Variants in TUBGCP2 observed in about 807,000 individuals in gnomAD.
The protein encoded by TUBGCP2 is gamma-tubulin complex component 2.
In TUBGCP2, 55 loss-of-function variants were observed where a neutral mutation model predicts 92.2. That is an observed-to-expected ratio of 0.60 (90% CI 0.48 to 0.75). The LOEUF is 0.75. Ranked by LOEUF, TUBGCP2 falls within the 30% of genes least tolerant of loss-of-function variation. The pLI, the probability that TUBGCP2 is intolerant of heterozygous loss-of-function variation, is 0.00. For missense variants in TUBGCP2, 1,093 were observed against 1,188.9 expected (o/e 0.92, Z 1.19); for synonymous variants, 533 against 505.2 (o/e 1.06, Z -0.74).
intron 5 of TUBGCP2, 99 bp downstream of exon 5, chr10:133,297,853 G>C (rs909153926): frequency 1.2e-5 from 18 of 1,538,248 alleles, no homozygotes; most frequent in Admixed American, 5.7e-5. Context: ...GTCCTGCCCA[G>C]AGGCCAGAAA....
In TUBGCP2 at chr10:133,291,950, C is replaced by T. The variant is rs150536168; in HGVS notation, c.1214+549G>A. 1.6e-3 allele frequency among the ~76,000 whole-genome samples: 30 copies of T among 19,108 alleles called. 6 individuals are homozygous for T. Among genetic ancestry groups the T allele is most frequent in the South Asian group, 3.1e-3 (1 of 318 alleles). 12.5% of individuals were successfully genotyped at this position (19,108 alleles called of 152,430 possible). A position where few individuals can be genotyped will look rare whatever the true frequency, so the allele number is the denominator to read the frequency against. On this transcript the variant is annotated intron_variant, in intron 8 of 17. Coordinates refer to ENST00000252936, the MANE Select transcript of TUBGCP2 (RefSeq NM_006659.4). Reference sequence around the variant, plus strand: ...TCCCCCATGTCCCTCCGTGTCCCTCCGTGTCCCCGTGTCCCGGGGAGCCCT... The same window carrying T: ...TCCCCCATGTCCCTCCGTGTCCCTCTGTGTCCCCGTGTCCCGGGGAGCCCT...
chr10:133,312,186 A>G (rs994261423), upstream of TUBGCP2: 2 of 1,412,676 alleles, frequency 1.4e-6, no homozygotes, highest in African/African-American at 1.4e-5. Context: ...CTGCGTTTCT[A>G]GCGTCACCTG....
In TUBGCP2 at chr10:133,299,877, G is replaced by A. The variant is rs954471679; in HGVS notation, c.279+108C>T. The A allele has an allele frequency of 2.8e-6, 4 of 1,451,572 alleles. No homozygotes were observed. The African/African-American group carries it at 5.7e-5, about 21-fold the overall frequency. 89.9% of individuals were successfully genotyped at this position (1,451,572 alleles called of 1,614,324 possible). A position where few individuals can be genotyped will look rare whatever the true frequency, so the allele number is the denominator to read the frequency against. On this transcript the variant is annotated intron_variant, in intron 3 of 17. Coordinates refer to ENST00000252936, the MANE Select transcript of TUBGCP2 (RefSeq NM_006659.4). ...CATGGCCTAGAAGCGTTACTGGTGT[G>A]AGCGAGGAAGAGCTGACAGGAAGAT...
At chr10:133,286,161 C>G (rs947082316) in intron 11 of TUBGCP2, among the ~76,000 whole-genome samples, 6 of 152,020 alleles carry the variant, frequency 3.9e-5, no homozygotes, top group East Asian at 1.9e-4. Flanking sequence ...AAGCAGCGGA[C>G]AGACGAAATC....
intron 8 of TUBGCP2, chr10:133,290,533 T>TA (rs1340701474): frequency 6.7e-6 from 1 of 150,334 alleles, no homozygotes; most frequent in Admixed American, 6.6e-5. Context: ...CCAACAAACC[T>TA]ACAAACCTCG....
chr10:133,289,414 C>A (rs921944613), intron 9 of TUBGCP2, among the ~76,000 whole-genome samples: 14 of 152,238 alleles, frequency 9.2e-5, no homozygotes, highest in African/African-American at 2.9e-4. Context: ...AGTCCCCGCG[C>A]CACTGCCCTG....
At chr10:133,286,568 C>T (rs1183564138) in intron 11 of TUBGCP2, among the ~76,000 whole-genome samples, 1 of 152,128 alleles carries the variant, frequency 6.6e-6, no homozygotes, top group South Asian at 2.1e-4. Context: ...ACCGAGGGCG[C>T]GTCCTCCTCC....
intron 2 of TUBGCP2, among the ~76,000 whole-genome samples, chr10:133,300,790 G>A (rs553406983): frequency 1.3e-5 from 2 of 152,294 alleles, no homozygotes; most frequent in African/African-American, 4.8e-5. Flanking sequence ...GCTTCTTCAG[G>A]TTTGTACTGG....
chr10:133,292,832 T>G (rs568206685), intron 7 of TUBGCP2, 144 bp from the exon 8 acceptor site: 1 of 1,166,306 alleles, frequency 8.6e-7, no homozygotes, highest in African/African-American at 1.5e-5. Flanking sequence ...ACTGTAAGGT[T>G]GTAGTTGCTG....
intron 17 of TUBGCP2, among the ~76,000 whole-genome samples, chr10:133,280,726 G>GGAGGGTGCAGGGGAGATGGGGC (rs1304262885): frequency 7.2e-5 from 11 of 152,244 alleles, no homozygotes; most frequent in Non-Finnish European, 1.5e-4. Context: ...GTGGACCAGG[G>GGAGGGTGCAGGGGAGATGGGGC]GAGGGTGCAG....
chr10:133,280,210 G>A (rs1349589219), intron 17 of TUBGCP2, among the ~76,000 whole-genome samples: 1 of 152,210 alleles, frequency 6.6e-6, no homozygotes, highest in African/African-American at 2.4e-5. Context: ...GTTCAGTCCT[G>A]CTCAAAGGCA....
At chr10:133,282,918 C>G (rs961643186) in intron 15 of TUBGCP2, among the ~76,000 whole-genome samples, 160 bp downstream of exon 15, 1 of 152,314 alleles carries the variant, frequency 6.6e-6, no homozygotes, top group South Asian at 2.1e-4. Flanking sequence ...GGGAATCACC[C>G]GGCCAGGAAG....
Position 133,302,525 on chromosome 10 carries a change from C to G in TUBGCP2, c.150+267G>C. ...GGGCGGTGCTCATCATGCACCCTGACCCAGGGACGACGCTCATCCTGCACA... is the reference window on the plus strand; with the variant it reads ...GGGCGGTGCTCATCATGCACCCTGAGCCAGGGACGACGCTCATCCTGCACA... On this transcript the variant is annotated intron_variant, in intron 2 of 17. Transcript: ENST00000252936. 6.8e-6 allele frequency: 3 copies of G among 440,764 alleles called. No homozygotes were observed. In the South Asian group the frequency reaches 7.6e-5, roughly 11 times the overall value. The allele number at this position is 440,764 out of a possible 1,614,324, so 27.3% of individuals were successfully genotyped here.
Position 133,298,128 on chromosome 10 carries a change from A to T in TUBGCP2, c.457-17T>A, listed in dbSNP as rs1847533600. 1 of 1,608,970 alleles carries T rather than the reference A, an allele frequency of 6.2e-7. No individual in the cohort carries two copies. The highest frequency in any genetic ancestry group is 2.2e-5 in the East Asian group (1 of 44,804). The stretch of plus-strand genomic sequence containing the variant: ...TTCCAGAGACTAGCAAGGACATTTT[A>T]AAAAACAAAACCAGAAAGATACACT... On this transcript the variant is annotated splice_polypyrimidine_tract_variant and intron_variant, in intron 4 of 17. Coordinates refer to ENST00000252936, the MANE Select transcript of TUBGCP2 (RefSeq NM_006659.4).
intron 2 of TUBGCP2, chr10:133,302,569 C>T: frequency 1.8e-6 from 1 of 554,632 alleles, no homozygotes; most frequent in South Asian, 2.2e-5. Flanking sequence ...GGGGTGGGTT[C>T]ACCCTGCACC....
intron 1 of TUBGCP2, among the ~76,000 whole-genome samples, chr10:133,305,825 G>A (rs993232005): frequency 3.3e-5 from 5 of 152,250 alleles, no homozygotes; most frequent in Non-Finnish European, 7.3e-5. Context: ...CCCAGGAGGT[G>A]CTCACGGTAA....
intron 5 of TUBGCP2, among the ~76,000 whole-genome samples, chr10:133,294,133 T>G (rs1847434770): frequency 6.6e-6 from 1 of 152,260 alleles, no homozygotes; most frequent in Admixed American, 6.5e-5. Context: ...TGAGTTACTC[T>G]GGGACAAAAA....
At chr10:133,293,811 C>A in intron 5 of TUBGCP2, 42 bp from the exon 6 acceptor site, 1 of 1,537,528 alleles carries the variant, frequency 6.5e-7, no homozygotes, top group Non-Finnish European at 8.8e-7. Context: ...GCCCCCACTC[C>A]CATGCCCCCA....
chr10:133,306,869 C>T (rs1217703859), intron 1 of TUBGCP2, among the ~76,000 whole-genome samples: 6 of 152,226 alleles, frequency 3.9e-5, no homozygotes. Flanking sequence ...GATGCCCGCA[C>T]GTCATGAGTG....
Sources: allele counts gnomAD v4.1 joint callset (sites outside exome capture counted in the v4.1 genomes callset), GRCh38; gene constraint gnomAD v4.1.1; transcripts MANE v1.5; gene names NCBI Gene and HGNC (gene_info 2026-07-23, HGNC 2026-07-21).